NMT2: variants seen among roughly 807,000 people sequenced by gnomAD.
NMT2 encodes the protein N-myristoyltransferase 2, also known as glycylpeptide N-tetradecanoyltransferase 2.
A neutral mutation model predicts 65.4 loss-of-function variants in NMT2; 35 were observed. That is an observed-to-expected ratio of 0.54 (90% confidence interval 0.41 to 0.71). The LOEUF (loss-of-function observed/expected upper bound fraction) is 0.71, where lower values mean the gene tolerates loss of function less well. NMT2 is among the 30% of genes least tolerant of loss of function. NMT2 has a pLI of 0.00. For synonymous variants in NMT2, 226 were observed against 231.8 expected (o/e 0.98, Z 0.23); for missense variants, 489 against 611.3 (o/e 0.80, Z 2.11).
Position 15,127,559 on chromosome 10 carries a change from A to AT in NMT2, c.999+790_999+791insA, listed in dbSNP as rs1324481856. Among the ~76,000 whole-genome samples the AT allele has an allele frequency of 2.4e-4, 24 of 98,108 alleles. 2 individuals are homozygous for AT. Among genetic ancestry groups the AT allele is most frequent in the African/African-American group, 1.8e-3 (20 of 11,292 alleles). The allele number at this position is 98,108 out of a possible 152,430, so 64.4% of individuals were successfully genotyped here. A position where few individuals can be genotyped will look rare whatever the true frequency, so the allele number is the denominator to read the frequency against. On this transcript the variant is annotated intron_variant, in intron 8 of 11. Transcript: ENST00000378165. ...GAGACTCCGTCTCAAAAAAAAAAAA[A>AT]AAAAAAAAAAATAAATAAATAAATA...
At position 15,135,147 on chromosome 10, in the gene NMT2, G is replaced by T. The variant is rs1322773768; in HGVS notation, c.391+127C>A. The T allele has an allele frequency of 4.2e-6, 4 of 954,434 alleles. No individual in the cohort carries two copies. The Admixed American group carries it at 6.2e-5, about 15-fold the overall frequency. 59.1% of individuals were successfully genotyped at this position (954,434 alleles called of 1,614,324 possible). On this transcript the variant is annotated intron_variant, in intron 3 of 11. Transcript: ENST00000378165. ...TTAGTCTTGCATAGATTTCCAATCT[G>T]TGGTATGAAATAAATGATACATGTG... is the stretch of plus-strand genomic sequence containing the variant.
chr10:15,140,921 C>A, intron 2 of NMT2: 1 of 1,379,224 alleles, frequency 7.3e-7, no homozygotes, highest in Non-Finnish European at 1.0e-6. Context: ...TATTTCCCAC[C>A]CTTGGCATTA....
At chr10:15,114,449 A>C (rs978760155) in intron 9 of NMT2, among the ~76,000 whole-genome samples, 7 of 152,298 alleles carry the variant, frequency 4.6e-5, no homozygotes, top group Admixed American at 4.6e-4. Flanking sequence ...ATAAAAAACA[A>C]AACAAAACAA....
At chr10:15,116,488 T>A (rs1845751083) in intron 9 of NMT2, among the ~76,000 whole-genome samples, 1 of 152,008 alleles carries the variant, frequency 6.6e-6, no homozygotes, top group Non-Finnish European at 1.5e-5. Flanking sequence ...AGGTCTCAAG[T>A]CAGTAAGTTC....
At chr10:15,136,011 G>A (rs1430837212) in intron 2 of NMT2, among the ~76,000 whole-genome samples, 2 of 152,138 alleles carry the variant, frequency 1.3e-5, no homozygotes, top group African/African-American at 4.8e-5. Flanking sequence ...CAGATCACGT[G>A]AGGTCAGGAG....
At chr10:15,135,195 G>T (rs1230879921) in intron 3 of NMT2, 79 bp downstream of exon 3, 14 of 810,868 alleles carry the variant, frequency 1.7e-5, no homozygotes, top group Non-Finnish European at 2.2e-5. Flanking sequence ...TTTGTGTTTT[G>T]TTGTTGTTGT....
At chr10:15,160,840 GAAC>G (rs1183111844) in intron 1 of NMT2, among the ~76,000 whole-genome samples, 1 of 151,810 alleles carries the variant, frequency 6.6e-6, no homozygotes, top group East Asian at 1.9e-4. Flanking sequence ...TTTGGTAATA[GAAC>G]AACAGGGAAA....
chr10:15,132,756 C>G (rs200871426), intron 6 of NMT2, 61 bp downstream of exon 6: 23 of 1,269,888 alleles, frequency 1.8e-5, no homozygotes, highest in Middle Eastern at 3.9e-4. Context: ...AAGGCCTAAT[C>G]TAATTGTAAT....
At chr10:15,130,334 G>A in intron 6 of NMT2, 22 bp from the exon 7 acceptor site, 3 of 1,500,698 alleles carry the variant, frequency 2.0e-6, no homozygotes, top group Non-Finnish European at 2.7e-6. Context: ...AGATGGTGAA[G>A]ATTAAGAGTC....
At chr10:15,167,697 C>A (rs1183693602) in intron 1 of NMT2, among the ~76,000 whole-genome samples, 1 of 152,232 alleles carries the variant, frequency 6.6e-6, no homozygotes, top group Non-Finnish European at 1.5e-5. Flanking sequence ...ATCCTTTTCT[C>A]CAACAGAAGA....
In NMT2 at chr10:15,107,341, G is replaced by A. The variant is rs900568527; in HGVS notation, c.*1854C>T. On this transcript the variant is annotated 3_prime_UTR_variant, in exon 12 of 12. Transcript: ENST00000378165. ...GTTTGGTGGCCCCTGCCTGGGATAA[G>A]ATATGATTGGTTTCACTGGACTCAT... The A allele has an allele frequency of 4.1e-6, 4 of 985,236 alleles. No individual in the cohort carries two copies. The highest frequency in any genetic ancestry group is 4.8e-6 in the Non-Finnish European group (4 of 829,868). The allele number at this position is 985,236 out of a possible 1,614,324, so 61.0% of individuals were successfully genotyped here.
rs1430891844 is a variant in NMT2 at position 15,130,261 on chromosome 10, T to C, written c.771A>G (p.Arg257=). 5 of 1,606,422 alleles carry C rather than the reference T, an allele frequency of 3.1e-6. No individual in the cohort carries two copies. The East Asian group carries it at 6.7e-5, about 22-fold the overall frequency. The change falls in exon 7 of 12, where the codon AGA becomes AGG. Residue 257 remains arginine (R), a synonymous_variant. Coordinates refer to ENST00000378165, the MANE Select transcript of NMT2 (RefSeq NM_004808.3). ...TTAGCACTGGGGCTACCCGTTTCGA[T>C]CTCAACTTCTTATGAACACAAAGAA... ...INFLCVHKKL[R]SKRVAPVLIR... is the part of the protein sequence containing the mutation.
intron 3 of NMT2, 49 bp downstream of exon 3, chr10:15,135,225 C>A (rs369940974): frequency 1.3e-6 from 2 of 1,501,026 alleles, no homozygotes; most frequent in South Asian, 1.1e-5. Context: ...TGTTGTTGTT[C>A]ATCCAGCTTT....
At chr10:15,149,528 A>G (rs1847098557) in intron 1 of NMT2, among the ~76,000 whole-genome samples, 2 of 90,092 alleles carry the variant, frequency 2.2e-5, no homozygotes, top group African/African-American at 7.6e-5. Flanking sequence ...CACCATCATC[A>G]CCATCATCAC....
At chr10:15,149,979 A>C (rs1220885739) in intron 1 of NMT2, among the ~76,000 whole-genome samples, 1 of 152,094 alleles carries the variant, frequency 6.6e-6, no homozygotes, top group Non-Finnish European at 1.5e-5. Flanking sequence ...GACATTTTTT[A>C]TTCACCTATT....
In NMT2 at chr10:15,107,417, C is replaced by T; in HGVS notation, c.*1778G>A. On this transcript the variant is annotated 3_prime_UTR_variant, in exon 12 of 12. Transcript: ENST00000378165. ...TAAAACAATTAACTTCTGCACTGAACTTCCTAGGCACTGGCCCAGTAAAAG... is the reference window on the plus strand; with the variant it reads ...TAAAACAATTAACTTCTGCACTGAATTTCCTAGGCACTGGCCCAGTAAAAG... 1.0e-6 allele frequency: 1 copy of T among 985,452 alleles called. No homozygotes were observed. The highest frequency in any genetic ancestry group is 1.7e-5 in the African/African-American group (1 of 57,360). 61.0% of individuals were successfully genotyped at this position (985,452 alleles called of 1,614,324 possible). A position where few individuals can be genotyped will look rare whatever the true frequency, so the allele number is the denominator to read the frequency against.
chr10:15,168,362 T>C, intron 1 of NMT2, 141 bp downstream of exon 1: 1 of 430,392 alleles, frequency 2.3e-6, no homozygotes, highest in South Asian at 1.9e-5. Context: ...GACCTCACCA[T>C]GGGCTCCGCG....
chr10:15,118,031 C>G (rs1181275741), intron 9 of NMT2, among the ~76,000 whole-genome samples: 3 of 152,068 alleles, frequency 2.0e-5, no homozygotes, highest in African/African-American at 7.2e-5. Flanking sequence ...AATGTATATG[C>G]AAAAGGCAAA....
rs982528118 is a variant in NMT2, at chr10:15,107,312, C to G, written c.*1883G>C. On this transcript the variant is annotated 3_prime_UTR_variant, in exon 12 of 12. Transcript: ENST00000378165. ...AATGGGCTGGATTTAGCCCACAGGC[C>G]ATAGTTTGGTGGCCCCTGCCTGGGA... 2.0e-6 allele frequency: 2 copies of G among 978,110 alleles called. No homozygotes were observed. Among genetic ancestry groups the G allele is most frequent in the African/African-American group, 1.8e-5 (1 of 57,090 alleles). The allele number at this position is 978,110 out of a possible 1,614,324, so 60.6% of individuals were successfully genotyped here. A position where few individuals can be genotyped will look rare whatever the true frequency, so the allele number is the denominator to read the frequency against.
Sources: allele counts gnomAD v4.1 joint callset (sites outside exome capture counted in the v4.1 genomes callset), GRCh38; gene constraint gnomAD v4.1.1; transcripts MANE v1.5; gene names NCBI Gene and HGNC (gene_info 2026-07-23, HGNC 2026-07-21).